ASIC2: variants seen among roughly 807,000 people sequenced by gnomAD.
ASIC2 encodes the protein acid sensing ion channel subunit 2, also known as acid-sensing ion channel 2.
Under a neutral mutation model 57.3 loss-of-function variants are expected in ASIC2, and 25 were observed. The observed-to-expected ratio is 0.44, with a 90% confidence interval of 0.32 to 0.61. The LOEUF (loss-of-function observed/expected upper bound fraction) is 0.61, where lower values mean the gene tolerates loss of function less well. Among genes scored for constraint, ASIC2 ranks in the 20% least tolerant of loss-of-function variants. The pLI is 0.06. For synonymous variants in ASIC2, 319 were observed against 307.5 expected (o/e 1.04, Z -0.39); for missense variants, 641 against 738.1 (o/e 0.87, Z 1.52).
At chr17:33,237,947 C>T (rs1908358805) in intron 1 of ASIC2, among the ~76,000 whole-genome samples, 1 of 152,304 alleles carries the variant, frequency 6.6e-6, no homozygotes, top group Non-Finnish European at 1.5e-5. Flanking sequence ...TCAAGGACTT[C>T]TCATACACTA....
intron 1 of ASIC2, among the ~76,000 whole-genome samples, chr17:33,419,020 G>A (rs1012293848): frequency 4.6e-5 from 7 of 152,156 alleles, no homozygotes; most frequent in African/African-American, 1.4e-4. Context: ...GCTGATGGGT[G>A]CAGCAAACCA....
At chr17:33,530,798 T>G (rs973177516) in intron 1 of ASIC2, among the ~76,000 whole-genome samples, 1 of 152,224 alleles carries the variant, frequency 6.6e-6, no homozygotes, top group African/African-American at 2.4e-5. Context: ...CTCTCATAGC[T>G]TTGATAAAAG....
intron 1 of ASIC2, among the ~76,000 whole-genome samples, chr17:33,951,395 A>G (rs1479720688): frequency 6.6e-6 from 1 of 152,096 alleles, no homozygotes; most frequent in Non-Finnish European, 1.5e-5. Flanking sequence ...TCCAAAGTCT[A>G]TGGTGACCTG....
chr17:33,489,616 A>T (rs1210755162), intron 1 of ASIC2, among the ~76,000 whole-genome samples: 2 of 152,198 alleles, frequency 1.3e-5, no homozygotes, highest in Non-Finnish European at 2.9e-5. Context: ...ATTCCAGGCC[A>T]GGGCCACTTC....
chr17:33,409,212 C>G (rs1910571498), intron 1 of ASIC2, among the ~76,000 whole-genome samples: 1 of 152,050 alleles, frequency 6.6e-6, no homozygotes, highest in South Asian at 2.1e-4. Flanking sequence ...GAGACTCTGT[C>G]TAAAAAATAA....
chr17:33,305,673 G>A (rs982410682), intron 1 of ASIC2, among the ~76,000 whole-genome samples: 1 of 152,158 alleles, frequency 6.6e-6, no homozygotes, highest in Non-Finnish European at 1.5e-5. Context: ...GGGCCATCAA[G>A]ATTACATTTT....
At chr17:33,188,385 GA>G (rs1472975673) in intron 1 of ASIC2, among the ~76,000 whole-genome samples, 2 of 151,890 alleles carry the variant, frequency 1.3e-5, no homozygotes, top group Non-Finnish European at 2.9e-5. Context: ...GGAAGGGAGA[GA>G]AAAATATTTG....
intron 1 of ASIC2, among the ~76,000 whole-genome samples, chr17:33,186,992 G>A (rs1387731752): frequency 2.6e-5 from 4 of 152,118 alleles, no homozygotes; most frequent in Non-Finnish European, 5.9e-5. Flanking sequence ...TCAGTGGTTG[G>A]ACTGAGAAGA....
intron 4 of ASIC2, among the ~76,000 whole-genome samples, chr17:33,027,086 T>C (rs1409965594): frequency 6.6e-6 from 1 of 152,204 alleles, no homozygotes; most frequent in Admixed American, 6.5e-5. Flanking sequence ...TTGAAGGCTG[T>C]AGGGGAGAAT....
chr17:33,076,010 C>T (rs2092087818), intron 3 of ASIC2, among the ~76,000 whole-genome samples: 1 of 152,160 alleles, frequency 6.6e-6, no homozygotes. Flanking sequence ...AATTGAATCT[C>T]ATCTAATCCC....
intron 1 of ASIC2, among the ~76,000 whole-genome samples, chr17:33,327,502 A>G (rs1907123887): frequency 6.6e-6 from 1 of 152,178 alleles, no homozygotes; most frequent in Non-Finnish European, 1.5e-5. Context: ...GATTAACCAC[A>G]ATGAAATGGA....
chr17:33,174,418 C>CAAA (rs545016244), intron 1 of ASIC2, among the ~76,000 whole-genome samples: 6 of 122,064 alleles, frequency 4.9e-5, no homozygotes, highest in African/African-American at 1.9e-4. Flanking sequence ...AAGACTCCAT[C>CAAA]AAAAAAAAAA....
At chr17:33,088,682 G>A (rs2092145251) in intron 3 of ASIC2, among the ~76,000 whole-genome samples, 181 bp downstream of exon 3, 1 of 152,176 alleles carries the variant, frequency 6.6e-6, no homozygotes, top group Admixed American at 6.5e-5. Flanking sequence ...TTTCCTTCAT[G>A]CCCAATTTTA....
At chr17:34,000,268 T>TTTTTTTGG (rs1280261405) in intron 1 of ASIC2, among the ~76,000 whole-genome samples, 1 of 150,186 alleles carries the variant, frequency 6.7e-6, no homozygotes, top group African/African-American at 2.4e-5. Context: ...TTTTTTTTTT[T>TTTTTTTGG]GAGACAGAGT....
chr17:33,431,744 C>T (rs1911427750), intron 1 of ASIC2, among the ~76,000 whole-genome samples: 1 of 152,140 alleles, frequency 6.6e-6, no homozygotes, highest in African/African-American at 2.4e-5. Flanking sequence ...CCCAGGAAAA[C>T]TATGATTGCG....
At chr17:33,603,054 A>G (rs1471906062) in intron 1 of ASIC2, among the ~76,000 whole-genome samples, 1 of 152,096 alleles carries the variant, frequency 6.6e-6, no homozygotes, top group Non-Finnish European at 1.5e-5. Context: ...CTAGCTCTGC[A>G]TTTCCCCACC....
intron 1 of ASIC2, among the ~76,000 whole-genome samples, chr17:33,946,243 A>G (rs1227058381): frequency 2.0e-5 from 3 of 152,212 alleles, no homozygotes; most frequent in Non-Finnish European, 2.9e-5. Flanking sequence ...TGATGTTGCC[A>G]TCTGTCCATC....
At chr17:33,691,399 A>AT (rs71144897) in intron 1 of ASIC2, among the ~76,000 whole-genome samples, 4,363 of 152,118 alleles carry the variant, frequency 0.029, 209 homozygotes, top group African/African-American at 0.1. Context: ...GGCATCAAAC[A>AT]TTTTTTGCTT....
At chr17:33,923,059 C>T (rs779773550) in intron 1 of ASIC2, among the ~76,000 whole-genome samples, 1 of 152,166 alleles carries the variant, frequency 6.6e-6, no homozygotes, top group East Asian at 1.9e-4. Context: ...ACCACAGCAG[C>T]TTACCCAGCA....
Sources: allele counts gnomAD v4.1 joint callset (sites outside exome capture counted in the v4.1 genomes callset), GRCh38; gene constraint gnomAD v4.1.1; transcripts MANE v1.5; gene names NCBI Gene and HGNC (gene_info 2026-07-23, HGNC 2026-07-21).